ZNF554: variants seen among roughly 807,000 people sequenced by gnomAD.
The protein encoded by ZNF554 is zinc finger protein 554.
A neutral mutation model predicts 21.2 loss-of-function variants in ZNF554; 15 were observed. That is an observed-to-expected ratio of 0.71 (90% CI 0.47 to 1.09). ZNF554 has a LOEUF of 1.09. ZNF554 is among the 50% of genes least tolerant of loss of function. The pLI is 0.00. For missense variants in ZNF554, 691 were observed against 662.7 expected, an observed-to-expected ratio of 1.04 and a Z score of -0.47; for synonymous variants, 258 against 251.4, an observed-to-expected ratio of 1.03 and a Z score of -0.25.
At chr19:2,827,585 C>G (rs1326470938) in intron 2 of ZNF554, 32 bp from the exon 3 acceptor site, 3 of 1,595,686 alleles carry the variant, frequency 1.9e-6, no homozygotes, top group East Asian at 4.5e-5. Context: ...GGCGATGGAC[C>G]CATCTTGAGC....
chr19:2,829,708 C>T (rs2087387344), intron 3 of ZNF554, among the ~76,000 whole-genome samples: 1 of 152,110 alleles, frequency 6.6e-6, no homozygotes, highest in African/African-American at 2.4e-5. Flanking sequence ...TCTATATAAA[C>T]ATAAAATGTG....
chr19:2,833,901 T>A lies in ZNF554; in HGVS notation c.666T>A (p.Phe222Leu). The change falls in exon 5 of 5, where the codon TTT becomes TTA. Residue 222 changes from phenylalanine (F) to leucine (L), a missense_variant. By Grantham distance (22) the Phe-to-Leu change is conservative. Transcript: ENST00000317243. ...AGAAGGCTACTGCATGGCATGGATT[T>A]GGGGAAAATGGTAATCTGAGCCCAG... ...PQEKATAWHG[F>L]GENGNLSPAL... The A allele has an allele frequency of 1.2e-6, 2 of 1,613,896 alleles. No homozygotes were observed. The highest frequency in any genetic ancestry group is 1.7e-6 in the Non-Finnish European group (2 of 1,179,910).
rs2144829574 is a variant in ZNF554, at chr19:2,834,975, A to G, written c.*123A>G. 1.1e-6 allele frequency: 1 copy of G among 906,842 alleles called. No individual in the cohort carries two copies. The highest frequency in any genetic ancestry group is 1.6e-6 in the Non-Finnish European group (1 of 611,932). The allele number at this position is 906,842 out of a possible 1,614,324, so 56.2% of individuals were successfully genotyped here. A position where few individuals can be genotyped will look rare whatever the true frequency, so the allele number is the denominator to read the frequency against. ...GTTTATGTCACCTTCTCACCTTCTTATAAGAAAGCTCTGAGAATGGGCATT... is the reference window on the plus strand; with the variant it reads ...GTTTATGTCACCTTCTCACCTTCTTGTAAGAAAGCTCTGAGAATGGGCATT... On this transcript the variant is annotated 3_prime_UTR_variant, in exon 5 of 5. Coordinates refer to ENST00000317243, the MANE Select transcript of ZNF554 (RefSeq NM_001102651.2).
In ZNF554 at chr19:2,825,961, C is replaced by T. The variant is rs1388624984; in HGVS notation, c.127-1656C>T. Among the ~76,000 whole-genome samples, 4 of 152,018 alleles carry T rather than the reference C, an allele frequency of 2.6e-5. No homozygotes were observed. In the South Asian group the frequency reaches 6.2e-4, roughly 24 times the overall value. ...TGTTGCCCAGGCTGGAGTGCAGTGG[C>T]GTGATCTTGGTTCACTGCAACCTCT... On this transcript the variant is annotated intron_variant, in intron 2 of 4. Transcript: ENST00000317243.
intron 1 of ZNF554, among the ~76,000 whole-genome samples, chr19:2,820,755 C>G (rs1387679145): frequency 4.1e-5 from 6 of 146,646 alleles, no homozygotes; most frequent in Non-Finnish European, 7.4e-5. Flanking sequence ...ACCTCCGCCT[C>G]CCGGGTTCAA....
At chr19:2,828,601 AGGTTGCAG>A (rs2144813834) in intron 3 of ZNF554, among the ~76,000 whole-genome samples, 2 of 151,226 alleles carry the variant, frequency 1.3e-5, no homozygotes, top group East Asian at 3.9e-4. Flanking sequence ...CGGGAGGCAG[AGGTTGCAG>A]GGTTGCAGTG....
intron 3 of ZNF554, among the ~76,000 whole-genome samples, chr19:2,830,186 C>T (rs1351024826): frequency 2.0e-5 from 3 of 152,176 alleles, no homozygotes; most frequent in South Asian, 2.1e-4. Context: ...CTGCCCACCT[C>T]GGCCTCCCAG....
intron 3 of ZNF554, among the ~76,000 whole-genome samples, chr19:2,828,073 C>T (rs2087359471): frequency 6.6e-6 from 1 of 152,114 alleles, no homozygotes; most frequent in Non-Finnish European, 1.5e-5. Flanking sequence ...AGTTATCTCC[C>T]CCTGGCTCCA....
chr19:2,826,985 C>G (rs1007546979), intron 2 of ZNF554, among the ~76,000 whole-genome samples: 2 of 152,128 alleles, frequency 1.3e-5, no homozygotes, highest in African/African-American at 4.8e-5. Context: ...CTTACATTGT[C>G]CATGCCTTGT....
chr19:2,832,327 A>G lies in ZNF554; in HGVS notation c.278A>G (p.Asp93Gly). The G allele has an allele frequency of 6.2e-7, 1 of 1,609,992 alleles. No individual in the cohort carries two copies. Among genetic ancestry groups the G allele is most frequent in the African/African-American group, 1.3e-5 (1 of 74,734 alleles). ...SLEALKNQCT[D>G]VGIKEGPLSP... ...GAAGCCTTGAAGAACCAATGTACTG[A>G]TGTGGGGATTAAAGAGGGTCCACTT... Residue 93 changes from aspartate to glycine, a missense_variant, in exon 4 of 5, where the codon GAT (aspartate) becomes GGT (glycine). Transcript: ENST00000317243.
chr19:2,829,797 A>G (rs1043386092), intron 3 of ZNF554, among the ~76,000 whole-genome samples: 22 of 152,094 alleles, frequency 1.4e-4, no homozygotes, highest in Non-Finnish European at 8.8e-5. Context: ...ACAACTGTCC[A>G]TTTCCAGAAC....
rs948875705 is a variant in ZNF554 at position 2,820,133 on chromosome 19, C to T, written c.53+9C>T. On this transcript the variant is annotated intron_variant, in intron 1 of 4. Coordinates refer to ENST00000317243, the MANE Select transcript of ZNF554 (RefSeq NM_001102651.2). ...CTCCCGGCAGCTCAGCCGTAAGTGCCGCCGCCTCCCGCGCCGCGACCTCCG... is the reference window on the plus strand; with the variant it reads ...CTCCCGGCAGCTCAGCCGTAAGTGCTGCCGCCTCCCGCGCCGCGACCTCCG... The T allele has an allele frequency of 1.1e-5, 14 of 1,218,914 alleles. No individual in the cohort carries two copies. The highest frequency in any genetic ancestry group is 1.1e-4 in the African/African-American group (7 of 63,778). 75.5% of individuals were successfully genotyped at this position (1,218,914 alleles called of 1,614,324 possible). A position where few individuals can be genotyped will look rare whatever the true frequency, so the allele number is the denominator to read the frequency against.
In ZNF554 at chr19:2,834,108, C is replaced by A. The variant is rs377231682; in HGVS notation, c.873C>A (p.His291Gln). ...GCCAGAACAGTCACTTTATTCAACA[C>A]GGGGGGAAGATGTTTGTGTATTTGG... ...AIRQNSHFIQHGGKMFVYLEN... is the reference protein window; with the variant it reads ...AIRQNSHFIQQGGKMFVYLEN... Residue 291 changes from histidine (H) to glutamine (Q), a missense_variant, in exon 5 of 5, where the codon CAC (histidine) becomes CAA (glutamine). By Grantham distance (24) the His-to-Gln change is conservative (BLOSUM62 0). Coordinates refer to ENST00000317243, the MANE Select transcript of ZNF554 (RefSeq NM_001102651.2). The A allele has an allele frequency of 1.8e-5, 29 of 1,613,864 alleles. No homozygotes were observed. In the South Asian group the frequency reaches 3.0e-4, roughly 16 times the overall value.
At chr19:2,833,657 G>T in intron 4 of ZNF554, 24 bp from the exon 5 acceptor site, 1 of 1,503,254 alleles carries the variant, frequency 6.7e-7, no homozygotes, top group South Asian at 1.4e-5. Flanking sequence ...CTAAAAAAAT[G>T]GTTTCCGCCT....
chr19:2,834,108 CG>C lies in ZNF554; in HGVS notation c.879del (p.Lys294ArgfsTer12). ...GCCAGAACAGTCACTTTATTCAACA[CG>C]GGGGGAAGATGTTTGTGTATTTGGA... ...IRQNSHFIQH[G>X]GKMFVYLENG... is the part of the protein sequence containing the mutation. On this transcript the variant is annotated frameshift_variant, in exon 5 of 5. Coordinates refer to ENST00000317243, the MANE Select transcript of ZNF554 (RefSeq NM_001102651.2). LOFTEE classifies it low-confidence loss of function (END_TRUNC). 1 of 1,613,982 alleles carries C rather than the reference CG, an allele frequency of 6.2e-7. No homozygotes were observed. Among genetic ancestry groups the C allele is most frequent in the South Asian group, 1.1e-5 (1 of 91,086 alleles).
At position 2,836,126 on chromosome 19, in the gene ZNF554, C is replaced by T. The variant is rs977432709; in HGVS notation, c.*1274C>T. On this transcript the variant is annotated 3_prime_UTR_variant, in exon 5 of 5. Coordinates refer to ENST00000317243, the MANE Select transcript of ZNF554 (RefSeq NM_001102651.2). ...TGCTGGTATTACAGGTGTGAGCCAC[C>T]GTGCTGGTATTACGGGTGTGAGCCA... Among the ~76,000 whole-genome samples the T allele has an allele frequency of 2.0e-5, 3 of 151,724 alleles. No homozygotes were observed. Among genetic ancestry groups the T allele is most frequent in the Admixed American group, 6.6e-5 (1 of 15,186 alleles).
rs1441521531 is a variant in ZNF554 at position 2,831,624 on chromosome 19, T to C, written c.254-679T>C. Reference sequence around the variant, plus strand: ...TTTTTTTTTTTTTTTTGAGACAGAGTCTCACTCTCATTGCCCAGCCTGGGG... The same window carrying C: ...TTTTTTTTTTTTTTTTGAGACAGAGCCTCACTCTCATTGCCCAGCCTGGGG... On this transcript the variant is annotated intron_variant, in intron 3 of 4. Transcript: ENST00000317243. 2.7e-5 allele frequency: 3 copies of C among 109,828 alleles called. No individual in the cohort carries two copies. The East Asian group carries it at 9.4e-4, about 34-fold the overall frequency. The allele number at this position is 109,828 out of a possible 1,614,324, so 6.8% of individuals were successfully genotyped here. A position where few individuals can be genotyped will look rare whatever the true frequency, so the allele number is the denominator to read the frequency against.
In ZNF554 at chr19:2,822,953, G is replaced by A. The variant is rs550248522; in HGVS notation, c.54-87G>A. 101 of 1,437,138 alleles carry A rather than the reference G, an allele frequency of 7.0e-5. 2 individuals carry two copies. The South Asian group carries it at 1.2e-3, about 17-fold the overall frequency. 89.0% of individuals were successfully genotyped at this position (1,437,138 alleles called of 1,614,324 possible). On this transcript the variant is annotated intron_variant, in intron 1 of 4. Transcript: ENST00000317243. ...CTCTGTGTATGGGGGGCCCCTTCAA[G>A]CAAATGGAGGTTCTCCAGGCCAAGG...
chr19:2,834,147 A>G lies in ZNF554; in HGVS notation c.912A>G (p.Ser304=), dbSNP rs2087462200. 4 of 1,613,952 alleles carry G rather than the reference A, an allele frequency of 2.5e-6. No individual in the cohort carries two copies. Among genetic ancestry groups the G allele is most frequent in the Non-Finnish European group, 3.4e-6 (4 of 1,180,054 alleles). Residue 304 remains serine (S), a synonymous_variant, in exon 5 of 5, where the codon TCA becomes TCG. Coordinates refer to ENST00000317243, the MANE Select transcript of ZNF554 (RefSeq NM_001102651.2). ...KMFVYLENGQ[S]LNHGMALTIH... ...TTGTGTATTTGGAAAATGGGCAGTCATTGAACCACGGTATGGCCCTGACTA... is the reference window on the plus strand; with the variant it reads ...TTGTGTATTTGGAAAATGGGCAGTCGTTGAACCACGGTATGGCCCTGACTA...
Sources: gnomAD v4.1 joint callset for allele counts (sites outside exome capture counted in the v4.1 genomes callset) on GRCh38, gnomAD v4.1.1 for gene constraint, MANE v1.5 for transcripts, NCBI Gene and HGNC (gene_info 2026-07-23, HGNC 2026-07-21) for gene names.